The following ATP10B variants were observed in gnomAD, a reference collection of about 807,000 sequenced individuals.
ATP10B encodes the protein ATPase phospholipid transporting 10B (putative).
Under a neutral mutation model 141.2 loss-of-function variants are expected in ATP10B, and 122 were observed. The observed-to-expected ratio is 0.86, with a 90% confidence interval of 0.75 to 1.00. The LOEUF is 1.00. Ranked by LOEUF, ATP10B falls within the 50% of genes least tolerant of loss-of-function variation. The pLI is 0.00. For missense variants in ATP10B, 1,876 were observed against 1,825.3 expected, an observed-to-expected ratio of 1.03 and a Z score of -0.51; for synonymous variants, 685 against 692.0, an observed-to-expected ratio of 0.99 and a Z score of 0.16.
intron 2 of ATP10B, among the ~76,000 whole-genome samples, chr5:160,760,814 C>T (rs1273425289): frequency 5.9e-5 from 9 of 152,152 alleles, no homozygotes; most frequent in Non-Finnish European, 1.3e-4. Flanking sequence ...GGGAACATAA[C>T]TCCATTGGCC....
chr5:160,598,464 C>G (rs1457849736), intron 22 of ATP10B, among the ~76,000 whole-genome samples: 1 of 151,798 alleles, frequency 6.6e-6, no homozygotes, highest in African/African-American at 2.4e-5. Context: ...GTGCAGCACA[C>G]CAGCATGGCA....
intron 2 of ATP10B, among the ~76,000 whole-genome samples, chr5:160,739,768 T>A (rs571941410): frequency 2.0e-5 from 3 of 152,364 alleles, no homozygotes; most frequent in African/African-American, 7.2e-5. Flanking sequence ...TTTATATCCA[T>A]AAGCATTTAT....
upstream of ATP10B, among the ~76,000 whole-genome samples, chr5:160,856,054 C>T (rs1000872619): frequency 1.3e-5 from 2 of 151,460 alleles, no homozygotes; most frequent in African/African-American, 4.8e-5. Context: ...TTTAACTATT[C>T]TTGGTTTCAT....
At chr5:160,666,940 C>T (rs1259124954) in intron 7 of ATP10B, among the ~76,000 whole-genome samples, 4 of 151,914 alleles carry the variant, frequency 2.6e-5, no homozygotes, top group East Asian at 1.9e-4. Flanking sequence ...GCTCTGGGAC[C>T]GGGCACAGTG....
At chr5:160,696,790 G>T (rs542902114) in intron 3 of ATP10B, among the ~76,000 whole-genome samples, 1 of 152,328 alleles carries the variant, frequency 6.6e-6, no homozygotes, top group African/African-American at 2.4e-5. Context: ...CAGTGAGCCA[G>T]ATTCCTATCC....
intron 1 of ATP10B, among the ~76,000 whole-genome samples, chr5:160,816,797 A>G (rs1443747908): frequency 6.6e-6 from 1 of 152,244 alleles, no homozygotes; most frequent in African/African-American, 2.4e-5. Context: ...CAAAAAGCTT[A>G]TCCGCCATGA....
chr5:160,883,393 G>A, the ATP10B span, among the ~76,000 whole-genome samples: 1 of 152,126 alleles, frequency 6.6e-6, no homozygotes, highest in African/African-American at 2.4e-5. Flanking sequence ...TGTCATGTAT[G>A]GATAATGGTT....
chr5:160,689,622 C>A (rs1035318069), intron 3 of ATP10B, among the ~76,000 whole-genome samples: 2 of 152,122 alleles, frequency 1.3e-5, no homozygotes, highest in Non-Finnish European at 2.9e-5. Flanking sequence ...AACTCCCCTT[C>A]ACAAATGCTA....
At position 160,785,694 on chromosome 5, in the gene ATP10B, T is replaced by G. The variant is rs1215906449; in HGVS notation, c.-466A>C. ...ATCTTGGCAGTGGAGAGGAGTTCAT[T>G]ATCTCCACTGAGTGAGATGAATAAT... On this transcript the variant is annotated 5_prime_UTR_variant, in exon 2 of 26. Coordinates refer to ENST00000327245, the MANE Select transcript of ATP10B (RefSeq NM_025153.3). 6.2e-6 allele frequency: 8 copies of G among 1,287,630 alleles called. No homozygotes were observed. The highest frequency in any genetic ancestry group is 6.1e-6 in the Non-Finnish European group (6 of 987,924). The allele number at this position is 1,287,630 out of a possible 1,614,324, so 79.8% of individuals were successfully genotyped here. A position where few individuals can be genotyped will look rare whatever the true frequency, so the allele number is the denominator to read the frequency against.
intron 2 of ATP10B, among the ~76,000 whole-genome samples, chr5:160,771,419 T>C (rs7715536): frequency 0.16 from 23,683 of 152,108 alleles, 2,642 homozygotes; most frequent in East Asian, 0.42. Flanking sequence ...GGTATGATTA[T>C]AGAATAATGA....
intron 1 of ATP10B, among the ~76,000 whole-genome samples, chr5:160,833,285 C>T (rs906938527): frequency 6.6e-6 from 1 of 152,196 alleles, no homozygotes; most frequent in African/African-American, 2.4e-5. Flanking sequence ...AATCTTGAAA[C>T]TATCACTAAT....
At chr5:160,690,247 A>G (rs1763998519) in intron 3 of ATP10B, among the ~76,000 whole-genome samples, 1 of 152,262 alleles carries the variant, frequency 6.6e-6, no homozygotes, top group South Asian at 2.1e-4. Flanking sequence ...CAAAACCATA[A>G]AAACCCTAGA....
At chr5:160,880,392 A>T in the ATP10B span, among the ~76,000 whole-genome samples, 3 of 152,020 alleles carry the variant, frequency 2.0e-5, no homozygotes, top group African/African-American at 7.2e-5. Flanking sequence ...TATAGGTTCA[A>T]TACAATCCCA....
At chr5:160,923,783 C>A in the ATP10B span, among the ~76,000 whole-genome samples, 3 of 152,148 alleles carry the variant, frequency 2.0e-5, no homozygotes, top group Non-Finnish European at 4.4e-5. Context: ...AGCCAAGAAG[C>A]CAGTTACTGA....
the ATP10B span, among the ~76,000 whole-genome samples, chr5:160,898,869 A>G: frequency 6.6e-6 from 1 of 152,096 alleles, no homozygotes; most frequent in African/African-American, 2.4e-5. Context: ...GCTGGAAACC[A>G]TCATTCTGAG....
intron 6 of ATP10B, among the ~76,000 whole-genome samples, chr5:160,672,352 T>C (rs1253837954): frequency 1.3e-5 from 2 of 152,186 alleles, no homozygotes; most frequent in African/African-American, 4.8e-5. Flanking sequence ...AGTTCTGCTC[T>C]TCCAGGTAAT....
chr5:160,698,765 G>T (rs1764516942), intron 3 of ATP10B, among the ~76,000 whole-genome samples: 1 of 152,188 alleles, frequency 6.6e-6, no homozygotes, highest in African/African-American at 2.4e-5. Flanking sequence ...GTAAGGACCA[G>T]AAGTTGTTAG....
At position 160,716,980 on chromosome 5, in the gene ATP10B, G is replaced by A; in HGVS notation, c.-276C>T. The A allele has an allele frequency of 1.0e-6, 1 of 985,424 alleles. No individual in the cohort carries two copies. The allele number at this position is 985,424 out of a possible 1,614,324, so 61.0% of individuals were successfully genotyped here. The stretch of plus-strand genomic sequence containing the variant: ...GTGCCCCTACAGCCACAGGAAGAGG[G>A]GGCAGATGTAGTACTTTAGCTGGGC... On this transcript the variant is annotated 5_prime_UTR_variant, in exon 3 of 26. Coordinates refer to ENST00000327245, the MANE Select transcript of ATP10B (RefSeq NM_025153.3).
At chr5:160,915,074 G>A in the ATP10B span, among the ~76,000 whole-genome samples, 1 of 152,174 alleles carries the variant, frequency 6.6e-6, no homozygotes, top group Non-Finnish European at 1.5e-5. Context: ...TCAGAATCAG[G>A]AGTCCTGGGT....
Sources: gnomAD v4.1 joint callset for allele counts (sites outside exome capture counted in the v4.1 genomes callset) on GRCh38, gnomAD v4.1.1 for gene constraint, MANE v1.5 for transcripts, NCBI Gene and HGNC (gene_info 2026-07-23, HGNC 2026-07-21) for gene names.